The following MED12L variants were observed in gnomAD, a reference collection of about 807,000 sequenced individuals.
The protein encoded by MED12L is mediator of RNA polymerase II transcription subunit 12-like protein.
In MED12L, 60 loss-of-function variants were observed where a neutral mutation model predicts 281.3. The observed-to-expected ratio is 0.21, with a 90% CI of 0.17 to 0.26. The LOEUF is 0.26. Among genes scored for constraint, MED12L ranks in the 10% least tolerant of loss-of-function variants. MED12L has a pLI of 1.00. For missense variants in MED12L, 2,146 were observed against 2,680.9 expected, an observed-to-expected ratio of 0.80 and a Z score of 4.41; for synonymous variants, 974 against 987.2, an observed-to-expected ratio of 0.99 and a Z score of 0.25.
chr3:151,378,631 GCCA>G (rs1331294694), intron 31 of MED12L, among the ~76,000 whole-genome samples: 4 of 151,856 alleles, frequency 2.6e-5, no homozygotes, highest in African/African-American at 9.7e-5. Flanking sequence ...AGACTCCTCG[GCCA>G]CCACAACTAA....
In MED12L at chr3:151,141,181, T is replaced by TTTTTTTTTTTTGTTTTTTTG. The variant is rs1553808474; in HGVS notation, c.556+13202_556+13203insTTTTTTGTTTTTTTGTTTTT. ...CGTGCCTGGCGTTTTTTTTTTTGTTTTTTTTGTTTTTTTTTTTTTGTTAGT... is the reference window on the plus strand; with the variant it reads ...CGTGCCTGGCGTTTTTTTTTTTGTTTTTTTTTTTTTTGTTTTTTTGTTTTTGTTTTTTTTTTTTTGTTAGT... On this transcript the variant is annotated intron_variant, in intron 5 of 44. Transcript: ENST00000687756. Among the ~76,000 whole-genome samples, 60 of 124,502 alleles carry TTTTTTTTTTTTGTTTTTTTG rather than the reference T, an allele frequency of 4.8e-4. 1 individual carries two copies. The highest frequency in any genetic ancestry group is 4.9e-4 in the Non-Finnish European group (31 of 62,862). The allele number at this position is 124,502 out of a possible 152,430, so 81.7% of individuals were successfully genotyped here. A position where few individuals can be genotyped will look rare whatever the true frequency, so the allele number is the denominator to read the frequency against.
At chr3:151,320,390 C>A (rs1748860273) in intron 16 of MED12L, among the ~76,000 whole-genome samples, 1 of 152,200 alleles carries the variant, frequency 6.6e-6, no homozygotes, top group South Asian at 2.1e-4. Context: ...CTGGAACATG[C>A]AACAAGGATT....
At chr3:151,274,948 C>G (rs1465145017) in intron 16 of MED12L, among the ~76,000 whole-genome samples, 1 of 152,138 alleles carries the variant, frequency 6.6e-6, no homozygotes, top group Non-Finnish European at 1.5e-5. Flanking sequence ...GGATTTCATT[C>G]ATCATCTGTA....
chr3:151,416,693 C>T (rs958425285), intron 43 of MED12L, among the ~76,000 whole-genome samples: 8 of 152,094 alleles, frequency 5.3e-5, no homozygotes, highest in Admixed American at 3.3e-4. Context: ...TACATTGAGA[C>T]GTGGTCTTTT....
At chr3:151,128,905 G>C (rs898133936) in intron 5 of MED12L, among the ~76,000 whole-genome samples, 3 of 152,236 alleles carry the variant, frequency 2.0e-5, no homozygotes, top group Non-Finnish European at 4.4e-5. Context: ...CCAGTGTCCA[G>C]AGTTATGCTG....
intron 19 of MED12L, among the ~76,000 whole-genome samples, 187 bp from the exon 20 acceptor site, chr3:151,357,026 A>G (rs56255408): frequency 0.02 from 3,064 of 152,274 alleles, 98 homozygotes; most frequent in African/African-American, 0.071. Flanking sequence ...CTAATTGTAT[A>G]CATCCTGATG....
chr3:151,238,372 C>G (rs1036372612), intron 16 of MED12L, among the ~76,000 whole-genome samples: 1 of 152,198 alleles, frequency 6.6e-6, no homozygotes, highest in African/African-American at 2.4e-5. Context: ...GTCTCGAACT[C>G]CTGACCTCAG....
At chr3:151,258,555 G>A (rs1420711858) in intron 16 of MED12L, among the ~76,000 whole-genome samples, 1 of 152,128 alleles carries the variant, frequency 6.6e-6, no homozygotes, top group Non-Finnish European at 1.5e-5. Flanking sequence ...CTCTAGGGCT[G>A]TGGTGCATCC....
rs35163584 is a variant in MED12L, at chr3:151,120,056, TA to T, written c.205-2708del. 3.5e-3 allele frequency among the ~76,000 whole-genome samples: 410 copies of T among 118,338 alleles called. 1 individual carries two copies. The highest frequency in any genetic ancestry group is 5.7e-3 in the Admixed American group (67 of 11,754). The allele number at this position is 118,338 out of a possible 152,430, so 77.6% of individuals were successfully genotyped here. A position where few individuals can be genotyped will look rare whatever the true frequency, so the allele number is the denominator to read the frequency against. On this transcript the variant is annotated intron_variant, in intron 3 of 44. Coordinates refer to ENST00000687756, the MANE Select transcript of MED12L (RefSeq NM_001393769.1). ...CAACACGGTGAAACCCTGTCTCTAC[TA>T]AAAAAAAAAAAAAAAAAATTAGCTG...
intron 2 of MED12L, among the ~76,000 whole-genome samples, chr3:151,099,820 C>T (rs1271057703): frequency 1.3e-5 from 2 of 152,076 alleles, no homozygotes; most frequent in East Asian, 3.9e-4. Context: ...CTGAATGCTT[C>T]CAATGTGATA....
intron 16 of MED12L, among the ~76,000 whole-genome samples, chr3:151,283,206 C>T (rs1743040839): frequency 6.6e-6 from 1 of 152,188 alleles, no homozygotes. Context: ...CACAAAACCT[C>T]ACTTTGGTGT....
At chr3:151,223,988 A>G (rs527975374) in intron 16 of MED12L, among the ~76,000 whole-genome samples, 11 of 152,312 alleles carry the variant, frequency 7.2e-5, no homozygotes, top group Admixed American at 3.3e-4. Flanking sequence ...TATCTGTGAT[A>G]TTTTATTTCT....
intron 16 of MED12L, among the ~76,000 whole-genome samples, chr3:151,258,525 T>A (rs6780660): frequency 0.11 from 16,775 of 152,236 alleles, 1,236 homozygotes; most frequent in Middle Eastern, 0.17. Flanking sequence ...CTTAGCTGTT[T>A]TTTTGAATGA....
At chr3:151,144,896 C>T (rs930818701) in intron 5 of MED12L, among the ~76,000 whole-genome samples, 1 of 152,154 alleles carries the variant, frequency 6.6e-6, no homozygotes, top group Admixed American at 6.5e-5. Context: ...TGTCCTTACC[C>T]GTCTTCCTCC....
intron 5 of MED12L, among the ~76,000 whole-genome samples, chr3:151,146,129 G>A (rs1187083987): frequency 3.9e-5 from 6 of 152,166 alleles, no homozygotes; most frequent in East Asian, 1.9e-4. Flanking sequence ...TTCTCCACCC[G>A]ACTCCAGACC....
intron 37 of MED12L, among the ~76,000 whole-genome samples, chr3:151,389,527 A>T (rs139655311): frequency 6.6e-6 from 1 of 152,282 alleles, no homozygotes; most frequent in East Asian, 1.9e-4. Context: ...ATGTCTGGAA[A>T]ATTGCAAGTG....
At chr3:151,214,375 A>C (rs1727780522) in intron 16 of MED12L, 1 of 1,381,566 alleles carries the variant, frequency 7.2e-7, no homozygotes, top group African/African-American at 1.4e-5. Context: ...CTCATAGGGC[A>C]CTTATGGCCT....
chr3:151,091,141 G>A (rs1719993064), intron 2 of MED12L, among the ~76,000 whole-genome samples: 1 of 152,126 alleles, frequency 6.6e-6, no homozygotes, highest in Non-Finnish European at 1.5e-5. Flanking sequence ...TAGAAAAATG[G>A]GTTGGGGCAG....
intron 3 of MED12L, among the ~76,000 whole-genome samples, chr3:151,121,841 G>A (rs996775094): frequency 2.0e-5 from 3 of 151,872 alleles, no homozygotes; most frequent in Admixed American, 6.6e-5. Context: ...TCAGCCTCCC[G>A]AGTAGGTGGG....
Sources: allele counts gnomAD v4.1 joint callset (sites outside exome capture counted in the v4.1 genomes callset), GRCh38; gene constraint gnomAD v4.1.1; transcripts MANE v1.5; gene names NCBI Gene and HGNC (gene_info 2026-07-23, HGNC 2026-07-21).